The following ZNF569 variants were observed in gnomAD, a reference collection of about 807,000 sequenced individuals.
The protein encoded by ZNF569 is DNA-binding protein.
Under a neutral mutation model 56.3 loss-of-function variants are expected in ZNF569, and 38 were observed. The ratio of observed to expected loss-of-function variants is 0.68; its 90% CI spans 0.52 to 0.88. The LOEUF (loss-of-function observed/expected upper bound fraction) is 0.88, where lower values mean the gene tolerates loss of function less well. ZNF569 is among the 40% of genes least tolerant of loss of function. The pLI is 0.00. For missense variants in ZNF569, 666 were observed against 809.2 expected (o/e 0.82, Z 2.15); for synonymous variants, 241 against 262.9 (o/e 0.92, Z 0.81).
At chr19:37,429,322 C>T (rs530337520) in intron 3 of ZNF569, among the ~76,000 whole-genome samples, 13 of 152,246 alleles carry the variant, frequency 8.5e-5, no homozygotes, top group South Asian at 2.1e-4. Flanking sequence ...CAAACAGAGC[C>T]ATTTGAGATA....
intron 3 of ZNF569, among the ~76,000 whole-genome samples, chr19:37,435,944 T>C (rs965858645): frequency 6.6e-6 from 1 of 152,162 alleles, no homozygotes; most frequent in Admixed American, 6.5e-5. Flanking sequence ...ACTATCCAGA[T>C]AGAAATCAAC....
At chr19:37,418,101 AAATAATAATAATAATAATAAT>A (rs199794961) in intron 5 of ZNF569, among the ~76,000 whole-genome samples, 7 of 143,292 alleles carry the variant, frequency 4.9e-5, no homozygotes, top group African/African-American at 1.8e-4. Context: ...ACTCCATCTC[AAATAATAATAATAATAATAAT>A]AATAATAATA....
intron 2 of ZNF569, chr19:37,454,798 A>G (rs2041647847): frequency 1.4e-6 from 1 of 700,220 alleles, no homozygotes; most frequent in Non-Finnish European, 2.6e-6. Flanking sequence ...ACACTTTAAA[A>G]ATTTGTTTAA....
intron 2 of ZNF569, among the ~76,000 whole-genome samples, chr19:37,447,606 C>T (rs906508368): frequency 6.6e-6 from 1 of 152,128 alleles, no homozygotes; most frequent in Non-Finnish European, 1.5e-5. Flanking sequence ...CCTTATTGCA[C>T]TGGCTAGGAA....
intron 3 of ZNF569, among the ~76,000 whole-genome samples, chr19:37,430,802 G>A (rs2041213463): frequency 6.6e-6 from 1 of 152,212 alleles, no homozygotes; most frequent in Admixed American, 6.5e-5. Flanking sequence ...GTGAATTGCT[G>A]ATCGTGAATT....
chr19:37,447,671 G>GT (rs2041520580), intron 2 of ZNF569, among the ~76,000 whole-genome samples: 1 of 152,006 alleles, frequency 6.6e-6, no homozygotes, highest in African/African-American at 2.4e-5. Flanking sequence ...TCCTTGCATT[G>GT]TTCCCAGTCT....
At chr19:37,448,730 A>AT (rs1600336333) in intron 2 of ZNF569, among the ~76,000 whole-genome samples, 1 of 151,480 alleles carries the variant, frequency 6.6e-6, no homozygotes. Flanking sequence ...CGCCCGGCTG[A>AT]TTTTTTGTAT....
In ZNF569 at chr19:37,413,246, C is replaced by T. The variant is rs1464671700; in HGVS notation, c.1412G>A (p.Cys471Tyr). ...TGEKPYICKE[C>Y]GKAFSQKSNL... ...TGATTTCTGGCTAAAGGCTTTCCCA[C>T]ATTCCTTACATATATAGGGTTTTTC... Residue 471 changes from cysteine to tyrosine, a missense_variant, in exon 6 of 6, where the codon TGT becomes TAT. Transcript: ENST00000316950. The T allele has an allele frequency of 6.2e-7, 1 of 1,611,498 alleles. No homozygotes were observed. Among genetic ancestry groups the T allele is most frequent in the East Asian group, 2.2e-5 (1 of 44,840 alleles).
chr19:37,416,992 G>A lies in ZNF569; in HGVS notation c.239-2573C>T, dbSNP rs114335275. ...TTGAAGATGAAATTAGTTAAGATGA[G>A]GTCAAACTGGAATAAGAGAAGCCCC... On this transcript the variant is annotated intron_variant, in intron 5 of 5. Coordinates refer to ENST00000316950, the MANE Select transcript of ZNF569 (RefSeq NM_152484.3). Among the ~76,000 whole-genome samples the A allele has an allele frequency of 6.9e-3, 1,051 of 152,212 alleles. 14 individuals are homozygous for A. Among genetic ancestry groups the A allele is most frequent in the African/African-American group, 0.024 (982 of 41,510 alleles).
Position 37,413,646 on chromosome 19 carries a change from T to C in ZNF569, c.1012A>G (p.Ile338Val). ...CTCATATGAAGAGCAAGGGATGCAA[T>C]TCGAGGGAAGGCTTTACCACATTCA... is the stretch of plus-strand genomic sequence containing the variant. ...CNECGKAFPR[I>V]ASLALHMRSH... is the part of the protein sequence containing the mutation. Residue 338 changes from isoleucine to valine, a missense_variant, in exon 6 of 6, where the codon ATT becomes GTT. Ile to Val is a conservative substitution (Grantham distance 29, BLOSUM62 3). Transcript: ENST00000316950. 6.2e-7 allele frequency: 1 copy of C among 1,614,028 alleles called. No individual in the cohort carries two copies. The highest frequency in any genetic ancestry group is 8.5e-7 in the Non-Finnish European group (1 of 1,179,960).
rs147803108 is a variant in ZNF569 at position 37,419,477 on chromosome 19, T to G, written c.239-5058A>C. ...TGGCTCACGACTGTAATCCCAGCAC[T>G]TTGGGAGGCCGAGGTGGGTGAATCA... On this transcript the variant is annotated intron_variant, in intron 5 of 5. Coordinates refer to ENST00000316950, the MANE Select transcript of ZNF569 (RefSeq NM_152484.3). Among the ~76,000 whole-genome samples, 1,082 of 152,214 alleles carry G rather than the reference T, an allele frequency of 7.1e-3. 15 individuals are homozygous for G. The highest frequency in any genetic ancestry group is 0.024 in the African/African-American group (1,008 of 41,540).
At position 37,461,313 on chromosome 19, in the gene ZNF569, C is replaced by CT. The variant is rs200197328; in HGVS notation, c.-44+3999dup. On this transcript the variant is annotated intron_variant, in intron 2 of 5. Transcript: ENST00000316950. ...TTTTAAAACATATGAAAAATATCCT[C>CT]TTTTTTTTTTTTTTTTTGACAGAGT... Among the ~76,000 whole-genome samples the CT allele has an allele frequency of 9.9e-3, 1,356 of 136,980 alleles. 8 individuals are homozygous for CT. Among genetic ancestry groups the CT allele is most frequent in the Middle Eastern group, 0.019 (5 of 270 alleles). 89.9% of individuals were successfully genotyped at this position (136,980 alleles called of 152,430 possible). A position where few individuals can be genotyped will look rare whatever the true frequency, so the allele number is the denominator to read the frequency against.
intron 2 of ZNF569, among the ~76,000 whole-genome samples, chr19:37,456,974 A>C (rs542005172): frequency 1.0e-3 from 152 of 151,534 alleles, no homozygotes; most frequent in Middle Eastern, 6.8e-3. Context: ...TCTCAAAAAA[A>C]AAAAAACAAA....
chr19:37,452,946 A>G (rs2041618293), intron 2 of ZNF569, among the ~76,000 whole-genome samples: 1 of 152,170 alleles, frequency 6.6e-6, no homozygotes, highest in African/African-American at 2.4e-5. Flanking sequence ...TGCATATATT[A>G]GTCTGCTTGA....
chr19:37,418,318 G>A (rs2040971718), intron 5 of ZNF569, among the ~76,000 whole-genome samples: 2 of 151,992 alleles, frequency 1.3e-5, no homozygotes, highest in African/African-American at 2.4e-5. Flanking sequence ...CAAATATAGT[G>A]ACCATAGGGA....
At chr19:37,466,108 G>A (rs2041829435) in intron 1 of ZNF569, among the ~76,000 whole-genome samples, 2 of 152,100 alleles carry the variant, frequency 1.3e-5, no homozygotes, top group African/African-American at 4.8e-5. Context: ...GTGAAAAGAT[G>A]GAAAGTAAAT....
chr19:37,460,793 A>G, intron 2 of ZNF569, among the ~76,000 whole-genome samples: 1 of 151,830 alleles, frequency 6.6e-6, no homozygotes, highest in African/African-American at 2.4e-5. Flanking sequence ...AAGGGATGAG[A>G]CTGGTGGCCT....
chr19:37,458,795 A>AC (rs1176386712), intron 2 of ZNF569, among the ~76,000 whole-genome samples: 8 of 152,248 alleles, frequency 5.3e-5, no homozygotes, highest in Non-Finnish European at 1.2e-4. Context: ...AAGTTAGAAA[A>AC]AGAGATGGGT....
At chr19:37,447,090 T>C (rs570136764) in intron 2 of ZNF569, among the ~76,000 whole-genome samples, 7 of 152,162 alleles carry the variant, frequency 4.6e-5, no homozygotes, top group African/African-American at 1.7e-4. Flanking sequence ...AATCAAAAAA[T>C]AATAAATGTT....
Sources: allele counts gnomAD v4.1 joint callset (sites outside exome capture counted in the v4.1 genomes callset), GRCh38; gene constraint gnomAD v4.1.1; transcripts MANE v1.5; gene names NCBI Gene and HGNC (gene_info 2026-07-23, HGNC 2026-07-21).